Variants in EPM2A observed in about 807,000 individuals in gnomAD.
EPM2A encodes the protein EPM2A glucan phosphatase, laforin.
A neutral mutation model predicts 26.5 loss-of-function variants in EPM2A; 21 were observed. The ratio of observed to expected loss-of-function variants is 0.79; its 90% CI spans 0.56 to 1.14. The LOEUF is 1.14. Ranked by LOEUF, EPM2A falls within the 50% of genes most tolerant of loss-of-function variation. The pLI is 0.00. For synonymous variants in EPM2A, 217 were observed against 177.6 expected (o/e 1.22, Z -1.76); for missense variants, 458 against 440.8 (o/e 1.04, Z -0.35).
At chr6:145,386,042 G>C (rs1778257385) in intron 4 of EPM2A, among the ~76,000 whole-genome samples, 1 of 151,812 alleles carries the variant, frequency 6.6e-6, no homozygotes, top group Non-Finnish European at 1.5e-5. Flanking sequence ...CTGAAGTAAT[G>C]AACAAAATTG....
chr6:145,510,102 T>TA lies in EPM2A; in HGVS notation c.341-7528dup, dbSNP rs879434532. On this transcript the variant is annotated intron_variant, in intron 2 of 3. Coordinates refer to the EPM2A transcript ENST00000450221. The stretch of plus-strand genomic sequence containing the variant: ...TTCACAAAACAATTACTTCTGGACC[T>TA]AAAAAAAAAAAGACTTAACGCAGCC... 1.7e-3 allele frequency among the ~76,000 whole-genome samples: 248 copies of TA among 143,214 alleles called. 1 individual carries two copies. Among genetic ancestry groups the TA allele is most frequent in the African/African-American group, 4.6e-3 (180 of 39,180 alleles). The allele number at this position is 143,214 out of a possible 152,430, so 94.0% of individuals were successfully genotyped here. A position where few individuals can be genotyped will look rare whatever the true frequency, so the allele number is the denominator to read the frequency against.
At chr6:145,704,969 T>C (rs1238065269) in intron 1 of EPM2A, among the ~76,000 whole-genome samples, 1 of 152,242 alleles carries the variant, frequency 6.6e-6, no homozygotes, top group Non-Finnish European at 1.5e-5. Flanking sequence ...TGTTACAAAT[T>C]TCCAGGCACA....
At chr6:145,488,606 C>T (rs896289542) in intron 4 of EPM2A, among the ~76,000 whole-genome samples, 1 of 150,210 alleles carries the variant, frequency 6.7e-6, no homozygotes, top group Non-Finnish European at 1.5e-5. Flanking sequence ...ATTTTTAACC[C>T]CACAGTTTAG....
At chr6:145,704,429 A>C (rs1189158032) in intron 1 of EPM2A, among the ~76,000 whole-genome samples, 3 of 152,228 alleles carry the variant, frequency 2.0e-5, no homozygotes, top group African/African-American at 7.2e-5. Flanking sequence ...AGATTTTAAG[A>C]ATTTCCTATC....
intron 2 of EPM2A, among the ~76,000 whole-genome samples, chr6:145,673,060 G>GA: frequency 6.6e-6 from 1 of 150,438 alleles, no homozygotes; most frequent in East Asian, 1.9e-4. Context: ...AAACCGAAGA[G>GA]AAAAAAATAC....
At chr6:145,472,284 C>G (rs950060970) in intron 4 of EPM2A, among the ~76,000 whole-genome samples, 1 of 151,730 alleles carries the variant, frequency 6.6e-6, no homozygotes, top group Non-Finnish European at 1.5e-5. Context: ...CATGGAGGGC[C>G]CTGGTGAGCC....
chr6:145,611,597 G>A (rs1775393261), intron 2 of EPM2A, among the ~76,000 whole-genome samples: 2 of 151,932 alleles, frequency 1.3e-5, no homozygotes, highest in African/African-American at 4.8e-5. Flanking sequence ...AACTTCCAAA[G>A]GAAATATTGT....
chr6:145,503,641 T>G (rs2114754089), intron 2 of EPM2A, among the ~76,000 whole-genome samples: 1 of 98,272 alleles, frequency 1.0e-5, no homozygotes, highest in African/African-American at 4.3e-5. Context: ...GTAGGAAGAA[T>G]CAATATCGTG....
intron 4 of EPM2A, among the ~76,000 whole-genome samples, chr6:145,403,890 G>A (rs1039081000): frequency 6.6e-6 from 1 of 152,218 alleles, no homozygotes; most frequent in African/African-American, 2.4e-5. Flanking sequence ...AACAGTGTAC[G>A]AGGGTTCCCT....
chr6:145,674,690 T>A (rs2128602883), intron 2 of EPM2A, among the ~76,000 whole-genome samples: 1 of 152,162 alleles, frequency 6.6e-6, no homozygotes, highest in Admixed American at 6.5e-5. Context: ...AGGATATTAG[T>A]GATTGAAGAT....
intron 1 of EPM2A, among the ~76,000 whole-genome samples, chr6:145,696,784 T>G (rs541029212): frequency 1.0e-5 from 1 of 98,818 alleles, no homozygotes; most frequent in Non-Finnish European, 2.0e-5. Context: ...TATGTGTGTG[T>G]GTGTGTGTGT....
At chr6:145,408,492 T>C (rs148122214) in intron 4 of EPM2A, among the ~76,000 whole-genome samples, 1 of 152,310 alleles carries the variant, frequency 6.6e-6, no homozygotes, top group East Asian at 1.9e-4. Context: ...ATTACGTTAC[T>C]CTCTCTGGGT....
chr6:145,555,951 T>A (rs1780723231), intron 2 of EPM2A, among the ~76,000 whole-genome samples: 2 of 152,174 alleles, frequency 1.3e-5, no homozygotes, highest in African/African-American at 4.8e-5. Context: ...GACAGCTCTG[T>A]AATGGAGGAA....
intron 4 of EPM2A, chr6:145,491,899 A>C (rs1216439324): frequency 2.1e-6 from 1 of 485,122 alleles, no homozygotes; most frequent in Non-Finnish European, 4.1e-6. Context: ...TTCCTGGGTA[A>C]ATTGAAAGAA....
chr6:145,698,291 G>A (rs1404649846), intron 1 of EPM2A, among the ~76,000 whole-genome samples: 2 of 152,168 alleles, frequency 1.3e-5, no homozygotes, highest in Admixed American at 6.5e-5. Flanking sequence ...ATGTCCTTGA[G>A]ACAGTTGTTT....
intron 2 of EPM2A, among the ~76,000 whole-genome samples, chr6:145,520,825 G>C (rs984035099): frequency 6.6e-6 from 1 of 152,140 alleles, no homozygotes; most frequent in African/African-American, 2.4e-5. Context: ...CGGGTAGTTA[G>C]GGAAGACTTC....
chr6:145,400,350 G>A (rs535998538), intron 4 of EPM2A, among the ~76,000 whole-genome samples: 159 of 152,204 alleles, frequency 1.0e-3, no homozygotes, highest in African/African-American at 3.6e-3. Context: ...GACACAGAAG[G>A]TCAGACAGAA....
At chr6:145,437,769 A>G (rs554131239) in intron 4 of EPM2A, among the ~76,000 whole-genome samples, 46 of 152,324 alleles carry the variant, frequency 3.0e-4, no homozygotes, top group African/African-American at 1.1e-3. Context: ...CAGCAATTGC[A>G]TGGTTGCTGA....
intron 4 of EPM2A, among the ~76,000 whole-genome samples, chr6:145,385,977 G>T (rs1219293645): frequency 6.6e-6 from 1 of 151,916 alleles, no homozygotes; most frequent in Non-Finnish European, 1.5e-5. Flanking sequence ...CTATACTCCA[G>T]GGAGATTTCA....
Sources: gnomAD v4.1 joint callset for allele counts (sites outside exome capture counted in the v4.1 genomes callset) on GRCh38, gnomAD v4.1.1 for gene constraint, MANE v1.5 for transcripts, NCBI Gene and HGNC (gene_info 2026-07-23, HGNC 2026-07-21) for gene names.